Variants in CAMKMT observed in about 807,000 individuals in gnomAD.
CAMKMT encodes CaM KMT.
In CAMKMT, 53 loss-of-function variants were observed where a neutral mutation model predicts 48.0. The observed-to-expected ratio is 1.10, with a 90% CI of 0.89 to 1.39. The LOEUF is 1.39. Ranked by LOEUF, CAMKMT falls within the 40% of genes most tolerant of loss-of-function variation. CAMKMT has a pLI of 0.00. For synonymous variants in CAMKMT, 165 were observed against 152.3 expected, an observed-to-expected ratio of 1.08 and a Z score of -0.61; for missense variants, 428 against 402.7, an observed-to-expected ratio of 1.06 and a Z score of -0.54.
chr2:44,725,721 TAG>T (rs1434024765), intron 7 of CAMKMT, among the ~76,000 whole-genome samples: 2 of 151,992 alleles, frequency 1.3e-5, no homozygotes, highest in African/African-American at 4.8e-5. Context: ...TTGTGATAAA[TAG>T]AGAGAGGCTA....
chr2:44,545,219 G>A (rs1667330191), intron 3 of CAMKMT, among the ~76,000 whole-genome samples: 1 of 152,202 alleles, frequency 6.6e-6, no homozygotes, highest in Non-Finnish European at 1.5e-5. Context: ...AGAGGTGAAA[G>A]GATTGCTTCT....
At chr2:44,378,908 C>T (rs904681448) in intron 2 of CAMKMT, among the ~76,000 whole-genome samples, 5 of 152,172 alleles carry the variant, frequency 3.3e-5, no homozygotes, top group East Asian at 3.8e-4. Flanking sequence ...TTCTTTTACT[C>T]ACAATACAAT....
chr2:44,573,941 T>C (rs1256920721), intron 3 of CAMKMT, among the ~76,000 whole-genome samples: 2 of 152,222 alleles, frequency 1.3e-5, no homozygotes, highest in Non-Finnish European at 2.9e-5. Flanking sequence ...AATTATTTTA[T>C]AGTTATGTTT....
chr2:44,480,964 T>C (rs1558647581), intron 3 of CAMKMT, among the ~76,000 whole-genome samples: 1 of 152,076 alleles, frequency 6.6e-6, no homozygotes, highest in African/African-American at 2.4e-5. Flanking sequence ...ATCATATAAA[T>C]AGGAGATACA....
At chr2:44,432,841 CAT>C (rs1349294176) in intron 3 of CAMKMT, among the ~76,000 whole-genome samples, 11 of 143,112 alleles carry the variant, frequency 7.7e-5, no homozygotes, top group Admixed American at 1.4e-4. Context: ...AAAAAAAAAA[CAT>C]ATGCTTTCCA....
At chr2:44,402,160 C>T (rs1027310353) in intron 3 of CAMKMT, among the ~76,000 whole-genome samples, 1 of 151,980 alleles carries the variant, frequency 6.6e-6, no homozygotes. Context: ...AACCCCGTCT[C>T]TACTAAAGAT....
chr2:44,453,687 C>T (rs1021058714), intron 3 of CAMKMT, among the ~76,000 whole-genome samples: 1 of 151,804 alleles, frequency 6.6e-6, no homozygotes, highest in African/African-American at 2.4e-5. Context: ...TTTTATTGTC[C>T]ATTTTGTGGA....
chr2:44,725,208 G>A (rs187570119), intron 7 of CAMKMT, among the ~76,000 whole-genome samples: 347 of 141,532 alleles, frequency 2.5e-3, no homozygotes, highest in Non-Finnish European at 4.3e-3. Flanking sequence ...GTGCTATATC[G>A]GTCTTACATA....
intron 3 of CAMKMT, among the ~76,000 whole-genome samples, chr2:44,471,618 CAAAA>C (rs1260401717): frequency 1.3e-5 from 2 of 151,986 alleles, no homozygotes; most frequent in Non-Finnish European, 2.9e-5. Flanking sequence ...AATTAACTAA[CAAAA>C]GAAAGAACAT....
At chr2:44,523,292 CTTTTT>C (rs869152391) in intron 3 of CAMKMT, among the ~76,000 whole-genome samples, 1 of 131,264 alleles carries the variant, frequency 7.6e-6, no homozygotes, top group Non-Finnish European at 1.6e-5. Context: ...AGGGGACCCA[CTTTTT>C]TTTTTTTTTT....
At chr2:44,395,695 T>C (rs1315386879) in intron 3 of CAMKMT, among the ~76,000 whole-genome samples, 1 of 152,156 alleles carries the variant, frequency 6.6e-6, no homozygotes, top group Non-Finnish European at 1.5e-5. Context: ...GAACATAATA[T>C]TAGATAATGT....
At chr2:44,693,425 T>C (rs1457370124) in intron 3 of CAMKMT, among the ~76,000 whole-genome samples, 1 of 152,168 alleles carries the variant, frequency 6.6e-6, no homozygotes. Flanking sequence ...TTATTTCCAT[T>C]CCTACAACAT....
intron 3 of CAMKMT, among the ~76,000 whole-genome samples, chr2:44,546,324 G>A (rs1490634394): frequency 1.3e-5 from 2 of 152,084 alleles, no homozygotes; most frequent in African/African-American, 4.8e-5. Context: ...CCAACTTTTA[G>A]CATTTTCTTC....
intron 3 of CAMKMT, among the ~76,000 whole-genome samples, chr2:44,569,775 T>C (rs1398393337): frequency 6.6e-6 from 1 of 152,224 alleles, no homozygotes; most frequent in African/African-American, 2.4e-5. Flanking sequence ...CATTTAGTCC[T>C]CAAATAAAAT....
chr2:44,759,374 C>T (rs1680514672), intron 9 of CAMKMT, among the ~76,000 whole-genome samples: 1 of 152,212 alleles, frequency 6.6e-6, no homozygotes, highest in Admixed American at 6.5e-5. Flanking sequence ...TCCTCCTTGG[C>T]CTCCCAAAGT....
At chr2:44,738,464 A>G (rs1203802768) in intron 7 of CAMKMT, among the ~76,000 whole-genome samples, 3 of 152,244 alleles carry the variant, frequency 2.0e-5, no homozygotes, top group Admixed American at 1.3e-4. Context: ...TAGCTAATCC[A>G]CACATTGTAT....
intron 6 of CAMKMT, among the ~76,000 whole-genome samples, chr2:44,714,116 T>C (rs1385835394): frequency 6.6e-6 from 1 of 152,156 alleles, no homozygotes; most frequent in Non-Finnish European, 1.5e-5. Flanking sequence ...CAGGAAAATA[T>C]GATGAAGCCA....
intron 3 of CAMKMT, among the ~76,000 whole-genome samples, chr2:44,449,450 A>T (rs377193685): frequency 6.6e-6 from 1 of 152,266 alleles, no homozygotes; most frequent in African/African-American, 2.4e-5. Context: ...CTTCCCAATT[A>T]TCCAATTTCT....
chr2:44,398,623 A>G (rs1373163863), intron 3 of CAMKMT, among the ~76,000 whole-genome samples: 2 of 150,560 alleles, frequency 1.3e-5, no homozygotes, highest in African/African-American at 2.4e-5. Context: ...AATAGTAATA[A>G]CAAGTTATGT....
Sources: gnomAD v4.1 joint callset for allele counts (sites outside exome capture counted in the v4.1 genomes callset) on GRCh38, gnomAD v4.1.1 for gene constraint, MANE v1.5 for transcripts, NCBI Gene and HGNC (gene_info 2026-07-23, HGNC 2026-07-21) for gene names.